Variants in SGMS1 observed in about 807,000 individuals in gnomAD.
SGMS1 encodes phosphatidylcholine:ceramide cholinephosphotransferase 1.
Under a neutral mutation model 46.2 loss-of-function variants are expected in SGMS1, and 13 were observed. That is an observed-to-expected ratio of 0.28 (90% CI 0.18 to 0.45). The LOEUF (loss-of-function observed/expected upper bound fraction) is 0.45, where lower values mean the gene tolerates loss of function less well. Ranked by LOEUF, SGMS1 falls within the 20% of genes least tolerant of loss-of-function variation. SGMS1 has a pLI of 1.00. For synonymous variants in SGMS1, 203 were observed against 187.8 expected (o/e 1.08, Z -0.66); for missense variants, 324 against 519.9 (o/e 0.62, Z 3.66).
At chr10:50,624,291 C>T (rs912991167), upstream of SGMS1, among the ~76,000 whole-genome samples, 1 of 152,112 alleles carries the variant, frequency 6.6e-6, no homozygotes, top group African/African-American at 2.4e-5. Flanking sequence ...TAGAGCTGGT[C>T]ACAAAGCAGG....
rs769234899 is a variant in SGMS1 at position 50,307,265 on chromosome 10, T to C, written c.1119A>G (p.Pro373=). The change falls in exon 11 of 11, where the codon CCA becomes CCG. Residue 373 remains proline, a synonymous_variant. Transcript: ENST00000361781. This position sits in a 1 kb window ranked among gnomAD's most constrained non-coding sequence, Gnocchi z 4.2. ...NLLARVWWYR[P]FQYFEKNVQG... ...GGACATTCTTTTCAAAGTACTGAAA[T>C]GGCCTGTACCACCACACCCTGGCCA... 5 of 1,613,950 alleles carry C rather than the reference T, an allele frequency of 3.1e-6. No homozygotes were observed. The highest frequency in any genetic ancestry group is 3.3e-5 in the Admixed American group (2 of 59,996).
intron 1 of SGMS1, among the ~76,000 whole-genome samples, chr10:50,604,134 A>G (rs1031451098): frequency 1.3e-5 from 2 of 152,118 alleles, no homozygotes; most frequent in African/African-American, 4.8e-5. Context: ...CCTCCTGCAC[A>G]GTCTAAGCTC....
chr10:50,352,803 T>C (rs7899832), intron 6 of SGMS1, among the ~76,000 whole-genome samples: 2,597 of 152,246 alleles, frequency 0.017, 80 homozygotes, highest in African/African-American at 0.059. Flanking sequence ...GAGAATACTA[T>C]AAACACCTCT....
rs1491469065 is a variant in SGMS1, at chr10:50,574,961, G to GTATATATATATATATA, written c.-589+15191_-589+15192insTATATATATATATATA. On this transcript the variant is annotated intron_variant, in intron 2 of 10. Coordinates refer to ENST00000361781, the MANE Select transcript of SGMS1 (RefSeq NM_147156.4). ...ATAAACATTTTAAAAGGAAAATGTG[G>GTATATATATATATATA]TGTATATATATATATATATATATAA... Among the ~76,000 whole-genome samples, 233 of 45,236 alleles carry GTATATATATATATATA rather than the reference G, an allele frequency of 5.2e-3. 11 individuals are homozygous for GTATATATATATATATA. The East Asian group carries it at 0.057, about 11-fold the overall frequency. 29.7% of individuals were successfully genotyped at this position (45,236 alleles called of 152,430 possible).
At chr10:50,591,663 C>A (rs1401243188) in intron 1 of SGMS1, among the ~76,000 whole-genome samples, 1 of 152,196 alleles carries the variant, frequency 6.6e-6, no homozygotes, top group Non-Finnish European at 1.5e-5. Flanking sequence ...CATCACACTG[C>A]ATCGCTGGCG....
intron 6 of SGMS1, chr10:50,418,402 G>C (rs75121103): frequency 6.6e-6 from 1 of 152,394 alleles, no homozygotes; most frequent in Non-Finnish European, 1.5e-5. Flanking sequence ...CTCCAAGAGC[G>C]GGGTTGGCGG....
intron 2 of SGMS1, among the ~76,000 whole-genome samples, chr10:50,550,470 G>A (rs189714634): frequency 6.6e-6 from 1 of 152,140 alleles, no homozygotes; most frequent in Non-Finnish European, 1.5e-5. Context: ...CTGCCAAAGA[G>A]AGTTAACATG....
Position 50,344,036 on chromosome 10 carries a change from G to T in SGMS1, c.79C>A (p.Pro27Thr). 3 of 1,614,136 alleles carry T rather than the reference G, an allele frequency of 1.9e-6. No homozygotes were observed. The highest frequency in any genetic ancestry group is 2.5e-6 in the Non-Finnish European group (3 of 1,180,022). ...TCCTGGCCTGTGAAATGCTCCAGAG[G>T]CTCACAGTATTCTGGCATAGCATTC... ...LENAMPEYCE[P>T]LEHFTGQDLI... is the part of the protein sequence containing the mutation. The change falls in exon 7 of 11, where the codon CCT (proline) becomes ACT (threonine). Residue 27 changes from proline (P) to threonine (T), a missense_variant. By Grantham distance (38) the Pro-to-Thr change is conservative. Transcript: ENST00000361781.
chr10:50,350,560 C>G (rs116796370), intron 6 of SGMS1, among the ~76,000 whole-genome samples: 1 of 152,092 alleles, frequency 6.6e-6, no homozygotes, highest in Non-Finnish European at 1.5e-5. Flanking sequence ...TTTCATGGGC[C>G]GGGTCCAGGG....
intron 2 of SGMS1, among the ~76,000 whole-genome samples, chr10:50,527,438 A>T (rs1223944412): frequency 1.3e-5 from 2 of 152,196 alleles, no homozygotes; most frequent in Non-Finnish European, 2.9e-5. Context: ...TAATTTACAG[A>T]TGAGAAACTG....
At chr10:50,542,245 C>T (rs964802835) in intron 2 of SGMS1, among the ~76,000 whole-genome samples, 1 of 152,088 alleles carries the variant, frequency 6.6e-6, no homozygotes, top group Non-Finnish European at 1.5e-5. Flanking sequence ...TTTCCAGGTT[C>T]TATGTCTCAA....
In SGMS1 at chr10:50,614,240, T is replaced by C. The variant is rs559989452; in HGVS notation, c.-684+9467A>G. Among the ~76,000 whole-genome samples, 123 of 152,264 alleles carry C rather than the reference T, an allele frequency of 8.1e-4. No homozygotes were observed. In the Middle Eastern group the frequency reaches 0.01, roughly 13 times the overall value. The stretch of plus-strand genomic sequence containing the variant: ...AGTGCTGACTTATATTTCCAAGTTT[T>C]CTCTCCACCTTGGGATCATCTCTCC... On this transcript the variant is annotated intron_variant, in intron 1 of 10. Transcript: ENST00000361781.
At chr10:50,351,047 T>C (rs1848002750) in intron 6 of SGMS1, among the ~76,000 whole-genome samples, 1 of 152,114 alleles carries the variant, frequency 6.6e-6, no homozygotes, top group Admixed American at 6.5e-5. Flanking sequence ...GGCTGTACCC[T>C]GCAAAGCCAA....
In SGMS1 at chr10:50,420,018, T is replaced by C. The variant is rs1425434239; in HGVS notation, c.-232+13458A>G. On this transcript the variant is annotated intron_variant, in intron 6 of 10. Coordinates refer to ENST00000361781, the MANE Select transcript of SGMS1 (RefSeq NM_147156.4). ...TCTGCCAGTAAGTGACAGGGTGAACTGACTGCTTCATCTCTCTCTGAGGAT... is the reference window on the plus strand; with the variant it reads ...TCTGCCAGTAAGTGACAGGGTGAACCGACTGCTTCATCTCTCTCTGAGGAT... Among the ~76,000 whole-genome samples the C allele has an allele frequency of 3.3e-5, 5 of 152,346 alleles. No individual in the cohort carries two copies. The East Asian group carries it at 9.7e-4, about 29-fold the overall frequency.
chr10:50,412,710 A>G (rs1010999146), intron 6 of SGMS1, among the ~76,000 whole-genome samples: 38 of 152,146 alleles, frequency 2.5e-4, no homozygotes, highest in African/African-American at 8.9e-4. Flanking sequence ...TAAGAGACAT[A>G]ATATCAAGAG....
intron 1 of SGMS1, among the ~76,000 whole-genome samples, chr10:50,623,114 G>C (rs1170079507): frequency 2.0e-5 from 3 of 151,954 alleles, no homozygotes; most frequent in Admixed American, 6.5e-5. Flanking sequence ...GAAGGGGAGC[G>C]CTCCTCGGGG....
At chr10:50,444,846 T>A (rs950880917) in intron 5 of SGMS1, among the ~76,000 whole-genome samples, 1 of 151,942 alleles carries the variant, frequency 6.6e-6, no homozygotes, top group Non-Finnish European at 1.5e-5. Flanking sequence ...ATACTACCAA[T>A]AAAAGAAAAA....
At chr10:50,511,609 T>C (rs559955108) in intron 3 of SGMS1, among the ~76,000 whole-genome samples, 12 of 152,326 alleles carry the variant, frequency 7.9e-5, no homozygotes, top group African/African-American at 2.4e-4. Flanking sequence ...AGGACACCCA[T>C]AGGCCTATTT....
chr10:50,317,895 C>T (rs1847373023), intron 8 of SGMS1, among the ~76,000 whole-genome samples: 1 of 151,696 alleles, frequency 6.6e-6, no homozygotes, highest in Non-Finnish European at 1.5e-5. Flanking sequence ...CCTCCACCTC[C>T]TGGGTTCAAG....
Sources: allele counts gnomAD v4.1 joint callset (sites outside exome capture counted in the v4.1 genomes callset), GRCh38; gene constraint gnomAD v4.1.1; non-coding constraint Gnocchi (gnomAD v3.1); transcripts MANE v1.5; gene names NCBI Gene and HGNC (gene_info 2026-07-23, HGNC 2026-07-21).